ABTB3: variants seen among roughly 807,000 people sequenced by gnomAD.
ABTB3 encodes the protein ankyrin repeat- and BTB/POZ domain-containing protein 3.
the ABTB3 span, chr12:107,318,624 A>C: frequency 1.1e-4 from 27 of 241,594 alleles, no homozygotes; most frequent in East Asian, 3.4e-4. Context: ...GGCTCAGGGA[A>C]GAGCGGTCTA....
chr12:107,400,815 C>T, the ABTB3 span, among the ~76,000 whole-genome samples: 1 of 152,092 alleles, frequency 6.6e-6, no homozygotes. Context: ...AGCTAATCTC[C>T]CTTCGCTGGT....
the ABTB3 span, among the ~76,000 whole-genome samples, chr12:107,657,011 C>G: frequency 6.6e-6 from 1 of 152,066 alleles, no homozygotes; most frequent in Admixed American, 6.6e-5. Context: ...CCGCTGCGCT[C>G]CAGCCTGGGC....
At chr12:107,332,511 C>T in the ABTB3 span, among the ~76,000 whole-genome samples, 2 of 152,124 alleles carry the variant, frequency 1.3e-5, no homozygotes, top group South Asian at 2.1e-4. Context: ...GTGCCTGTTC[C>T]TAACCACCGT....
At chr12:107,376,982 A>T in the ABTB3 span, among the ~76,000 whole-genome samples, 1 of 152,054 alleles carries the variant, frequency 6.6e-6, no homozygotes, top group East Asian at 1.9e-4. Context: ...ATGAAGAAAA[A>T]GCGTCAGTGG....
At chr12:107,330,336 A>G in the ABTB3 span, among the ~76,000 whole-genome samples, 11 of 152,210 alleles carry the variant, frequency 7.2e-5, no homozygotes, top group Non-Finnish European at 1.0e-4. Context: ...CAGAGAGCAG[A>G]CTGGAAGGGT....
chr12:107,608,387 T>C, the ABTB3 span, among the ~76,000 whole-genome samples: 1 of 152,230 alleles, frequency 6.6e-6, no homozygotes, highest in Non-Finnish European at 1.5e-5. Context: ...GGATAAAGTT[T>C]GAAGCCTTAA....
the ABTB3 span, among the ~76,000 whole-genome samples, chr12:107,392,637 A>G: frequency 6.6e-6 from 1 of 152,166 alleles, no homozygotes; most frequent in Admixed American, 6.5e-5. Context: ...ATCTTTGACC[A>G]AATTCCATCT....
At chr12:107,467,390 C>T in the ABTB3 span, among the ~76,000 whole-genome samples, 1 of 152,140 alleles carries the variant, frequency 6.6e-6, no homozygotes, top group African/African-American at 2.4e-5. Context: ...CATCCCTTGT[C>T]CCCCACAAGC....
chr12:107,520,558 C>T, the ABTB3 span: 5 of 1,614,114 alleles, frequency 3.1e-6, no homozygotes, highest in Admixed American at 1.7e-5. Context: ...AGGGGAACTG[C>T]CCATGTTCAG....
the ABTB3 span, among the ~76,000 whole-genome samples, chr12:107,387,972 C>CT: frequency 0.019 from 2,289 of 120,154 alleles, 52 homozygotes; most frequent in African/African-American, 0.031. Context: ...TCTTCTTCTT[C>CT]TTTTTTTTTT....
chr12:107,539,095 T>A, the ABTB3 span, among the ~76,000 whole-genome samples: 1 of 152,202 alleles, frequency 6.6e-6, no homozygotes, highest in East Asian at 1.9e-4. Context: ...CTGAAATTGA[T>A]ATAATAATGC....
chr12:107,522,223 G>A, the ABTB3 span, among the ~76,000 whole-genome samples: 1 of 152,076 alleles, frequency 6.6e-6, no homozygotes, highest in African/African-American at 2.4e-5. Context: ...TCCAAATACT[G>A]TCACATTGAG....
the ABTB3 span, among the ~76,000 whole-genome samples, chr12:107,343,365 T>C: frequency 1.7e-4 from 26 of 152,192 alleles, no homozygotes; most frequent in Non-Finnish European, 4.4e-5. Context: ...TGAAGATGCC[T>C]CTTGGTCAAT....
At chr12:107,581,047 C>CG in the ABTB3 span, 86 of 1,548,518 alleles carry the variant, frequency 5.6e-5, no homozygotes, top group Non-Finnish European at 7.2e-5. Context: ...GCTGGGGAGT[C>CG]GGGAGATGGG....
At chr12:107,462,073 G>C in the ABTB3 span, among the ~76,000 whole-genome samples, 1 of 152,194 alleles carries the variant, frequency 6.6e-6, no homozygotes, top group African/African-American at 2.4e-5. Context: ...GGAGAACTTT[G>C]AGACTTCAAT....
At chr12:107,545,388 C>T in the ABTB3 span, among the ~76,000 whole-genome samples, 21 of 152,138 alleles carry the variant, frequency 1.4e-4, no homozygotes, top group African/African-American at 5.1e-4. Context: ...GGACTACAGT[C>T]ATGCCCCACC....
the ABTB3 span, among the ~76,000 whole-genome samples, chr12:107,470,091 C>T: frequency 1.9e-4 from 28 of 150,234 alleles, no homozygotes; most frequent in African/African-American, 3.2e-4. Context: ...CAGGCTGGAG[C>T]GCAGTGGCAT....
chr12:107,511,035 G>C, the ABTB3 span, among the ~76,000 whole-genome samples: 3 of 152,172 alleles, frequency 2.0e-5, no homozygotes, highest in Non-Finnish European at 4.4e-5. Context: ...TTCAGGAAGA[G>C]AGCAGAGCAA....
the ABTB3 span, among the ~76,000 whole-genome samples, chr12:107,363,631 G>T: frequency 1.3e-5 from 2 of 152,172 alleles, no homozygotes; most frequent in East Asian, 1.9e-4. Flanking sequence ...AGCCACCTCT[G>T]TTGTAACCCA....
Sources: gnomAD v4.1 joint callset for allele counts (sites outside exome capture counted in the v4.1 genomes callset) on GRCh38, gnomAD v4.1.1 for gene constraint, MANE v1.5 for transcripts, NCBI Gene and HGNC (gene_info 2026-07-23, HGNC 2026-07-21) for gene names.